Variants in HBS1L observed in about 807,000 individuals in gnomAD.
HBS1L encodes HBS1 like translational GTPase.
In HBS1L, 55 loss-of-function variants were observed where a neutral mutation model predicts 88.9. That is an observed-to-expected ratio of 0.62 (90% CI 0.50 to 0.77). The LOEUF (loss-of-function observed/expected upper bound fraction) is 0.77, where lower values mean the gene tolerates loss of function less well. HBS1L is among the 30% of genes least tolerant of loss of function. The pLI, the probability that HBS1L is intolerant of heterozygous loss-of-function variation, is 0.00. For missense variants in HBS1L, 741 were observed against 829.3 expected, an observed-to-expected ratio of 0.89 and a Z score of 1.31; for synonymous variants, 267 against 288.5, an observed-to-expected ratio of 0.93 and a Z score of 0.76.
intron 4 of HBS1L, among the ~76,000 whole-genome samples, chr6:135,031,443 A>G (rs1220605376): frequency 6.6e-6 from 1 of 152,120 alleles, no homozygotes; most frequent in Admixed American, 6.5e-5. Context: ...GCACACACAC[A>G]TACATTTACT....
At chr6:134,981,720 AG>A (rs1001010333) in intron 13 of HBS1L, among the ~76,000 whole-genome samples, 17 of 151,930 alleles carry the variant, frequency 1.1e-4, no homozygotes, top group Admixed American at 6.6e-5. Context: ...TCAGAGGCTT[AG>A]TTGGAAGCCA....
At chr6:134,993,514 A>G (rs1775204125) in intron 8 of HBS1L, among the ~76,000 whole-genome samples, 1 of 152,316 alleles carries the variant, frequency 6.6e-6, no homozygotes, top group African/African-American at 2.4e-5. Flanking sequence ...TACTTTTACG[A>G]TAAAGAAACT....
At chr6:134,976,375 T>A (rs1344976377) in intron 15 of HBS1L, among the ~76,000 whole-genome samples, 1 of 152,060 alleles carries the variant, frequency 6.6e-6, no homozygotes, top group Non-Finnish European at 1.5e-5. Context: ...GAAAAGTAGA[T>A]CTACCAGTTG....
intron 2 of HBS1L, among the ~76,000 whole-genome samples, chr6:135,043,220 CTG>C (rs1455724738): frequency 2.6e-5 from 4 of 152,154 alleles, no homozygotes; most frequent in Non-Finnish European, 1.5e-5. Context: ...ATCCTGGACA[CTG>C]TGTTCAATTG....
At chr6:135,034,207 C>T (rs1397356712) in intron 4 of HBS1L, among the ~76,000 whole-genome samples, 1 of 148,802 alleles carries the variant, frequency 6.7e-6, no homozygotes, top group East Asian at 1.9e-4. Flanking sequence ...AATATAAAAA[C>T]ATGACACAGA....
chr6:135,006,146 G>T lies in HBS1L; in HGVS notation c.431-3304C>A, dbSNP rs1359801776. Among the ~76,000 whole-genome samples, 5 of 152,226 alleles carry T rather than the reference G, an allele frequency of 3.3e-5. No homozygotes were observed. In the South Asian group the frequency reaches 8.3e-4, roughly 25 times the overall value. On this transcript the variant is annotated intron_variant, in intron 4 of 17. Transcript: ENST00000367837. ...TAGGAGTTAAGAATCTATCCAACAG[G>T]TATAAGAAGAAAGTATATGGCATTG... is the stretch of plus-strand genomic sequence containing the variant.
At chr6:134,990,750 C>T (rs909143719) in intron 8 of HBS1L, among the ~76,000 whole-genome samples, 15 of 152,068 alleles carry the variant, frequency 9.9e-5, no homozygotes, top group African/African-American at 3.4e-4. Context: ...CAGGGTTTTG[C>T]CATGTTGCCC....
intron 4 of HBS1L, among the ~76,000 whole-genome samples, chr6:135,020,620 G>A (rs1776044739): frequency 6.6e-6 from 1 of 151,938 alleles, no homozygotes; most frequent in Non-Finnish European, 1.5e-5. Context: ...ATGCTATTAT[G>A]AATAATAATT....
Position 134,966,365 on chromosome 6 carries a change from G to A in HBS1L, c.2007C>T (p.Tyr669=), listed in dbSNP as rs567806855. The change falls in exon 17 of 18, where the codon TAC becomes TAT. Residue 669 remains tyrosine (Y), a synonymous_variant. Transcript: ENST00000367837. ...CACCAGCAGCTATTGTAGAACCACC[G>A]TAACGTAGCATGAACCTCCCCAGCT... is the stretch of plus-strand genomic sequence containing the variant. ...FKELGRFMLR[Y]GGSTIAAGVV... The A allele has an allele frequency of 1.4e-5, 23 of 1,612,676 alleles. No homozygotes were observed. Among genetic ancestry groups the A allele is most frequent in the African/African-American group, 1.3e-5 (1 of 74,820 alleles).
At chr6:134,976,611 T>C (rs1271559028) in intron 15 of HBS1L, among the ~76,000 whole-genome samples, 2 of 152,024 alleles carry the variant, frequency 1.3e-5, no homozygotes, top group Non-Finnish European at 2.9e-5. Flanking sequence ...GCAACTTGGA[T>C]AGGGCTGGAG....
chr6:135,022,570 A>G (rs1309649179), intron 4 of HBS1L, among the ~76,000 whole-genome samples: 6 of 152,228 alleles, frequency 3.9e-5, no homozygotes, highest in African/African-American at 1.4e-4. Context: ...TCCTTTACAA[A>G]GCCCACATAA....
At position 134,963,295 on chromosome 6, in the gene HBS1L, A is replaced by G. The variant is rs1018962886; in HGVS notation, c.*1984T>C. On this transcript the variant is annotated 3_prime_UTR_variant, in exon 18 of 18. Transcript: ENST00000367837. ...AAATTCAATCATAGTCAATGATGAGATGTTTCTAGGACTTCTGGAGAAGAT... is the reference window on the plus strand; with the variant it reads ...AAATTCAATCATAGTCAATGATGAGGTGTTTCTAGGACTTCTGGAGAAGAT... 6.6e-5 allele frequency: 10 copies of G among 152,312 alleles called. No homozygotes were observed. The highest frequency in any genetic ancestry group is 2.4e-4 in the African/African-American group (10 of 41,580). The allele number at this position is 152,312 out of a possible 1,614,324, so 9.4% of individuals were successfully genotyped here.
At chr6:135,019,022 A>T (rs1009790222) in intron 4 of HBS1L, among the ~76,000 whole-genome samples, 1 of 152,006 alleles carries the variant, frequency 6.6e-6, no homozygotes, top group South Asian at 2.1e-4. Flanking sequence ...AATGCAGAAT[A>T]ATCTAAATTG....
rs1774217784 is a variant in HBS1L at position 134,962,941 on chromosome 6, C to T, written c.*2338G>A. The stretch of plus-strand genomic sequence containing the variant: ...CTCGAAATAATATCACCACTCCTTT[C>T]AACCACAATCAATCATCAATAAAAT... On this transcript the variant is annotated 3_prime_UTR_variant, in exon 18 of 18. Transcript: ENST00000367837. 6.6e-6 allele frequency: 1 copy of T among 152,196 alleles called. No individual in the cohort carries two copies. Among genetic ancestry groups the T allele is most frequent in the South Asian group, 2.1e-4 (1 of 4,820 alleles). 9.4% of individuals were successfully genotyped at this position (152,196 alleles called of 1,614,324 possible).
At chr6:134,968,999 T>C (rs1178919078) in intron 16 of HBS1L, among the ~76,000 whole-genome samples, 1 of 152,214 alleles carries the variant, frequency 6.6e-6, no homozygotes, top group Non-Finnish European at 1.5e-5. Context: ...CATTTATTTA[T>C]AATTCACATC....
intron 4 of HBS1L, among the ~76,000 whole-genome samples, chr6:135,003,524 G>A (rs990699219): frequency 2.1e-5 from 3 of 145,608 alleles, no homozygotes; most frequent in Non-Finnish European, 3.0e-5. Flanking sequence ...CTATGATAAC[G>A]CCACTGCACT....
chr6:135,024,257 G>A (rs1776157470), intron 4 of HBS1L, among the ~76,000 whole-genome samples: 1 of 151,908 alleles, frequency 6.6e-6, no homozygotes, highest in African/African-American at 2.4e-5. Context: ...TGGCTAACAT[G>A]GTGAAACCCT....
intron 12 of HBS1L, chr6:134,983,665 T>A (rs1774896696): frequency 6.6e-6 from 1 of 152,094 alleles, no homozygotes; most frequent in Non-Finnish European, 1.5e-5. Context: ...CCAGTAGTGC[T>A]TAGACAAGTG....
At chr6:135,026,798 G>T (rs905991409) in intron 4 of HBS1L, 1 of 151,270 alleles carries the variant, frequency 6.6e-6, no homozygotes, top group African/African-American at 2.4e-5. Flanking sequence ...ATTTTACAGG[G>T]TAAACTCTCC....
Sources: gnomAD v4.1 joint callset for allele counts (sites outside exome capture counted in the v4.1 genomes callset) on GRCh38, gnomAD v4.1.1 for gene constraint, MANE v1.5 for transcripts, NCBI Gene and HGNC (gene_info 2026-07-23, HGNC 2026-07-21) for gene names.